Variants in CSMD3 observed in about 807,000 individuals in gnomAD.
The protein encoded by CSMD3 is CUB and sushi domain-containing protein 3.
CSMD3 carries 177 observed loss-of-function variants against 435.2 expected under a neutral mutation model. The ratio of observed to expected loss-of-function variants is 0.41; its 90% CI spans 0.36 to 0.46. The LOEUF (loss-of-function observed/expected upper bound fraction) is 0.46, where lower values mean the gene tolerates loss of function less well. CSMD3 is among the 20% of genes least tolerant of loss of function. The pLI, the probability that CSMD3 is intolerant of heterozygous loss-of-function variation, is 0.34. For synonymous variants in CSMD3, 1,656 were observed against 1,520.5 expected (o/e 1.09, Z -2.07); for missense variants, 4,265 against 4,504.6 (o/e 0.95, Z 1.52).
intron 1 of CSMD3, among the ~76,000 whole-genome samples, chr8:113,382,796 C>T (rs974835845): frequency 7.2e-5 from 11 of 151,914 alleles, no homozygotes; most frequent in South Asian, 2.1e-4. Context: ...GCCTGGACAA[C>T]ATGATGAAAC....
chr8:112,887,968 C>G (rs143512925), intron 10 of CSMD3, among the ~76,000 whole-genome samples: 110 of 151,774 alleles, frequency 7.2e-4, no homozygotes, highest in African/African-American at 2.6e-3. Flanking sequence ...CTGCAATAAA[C>G]CACAGCAAAT....
intron 5 of CSMD3, among the ~76,000 whole-genome samples, chr8:113,083,046 G>C (rs142824391): frequency 6.6e-6 from 1 of 152,238 alleles, no homozygotes; most frequent in Non-Finnish European, 1.5e-5. Context: ...AGCTGAAAAC[G>C]TCCCATGTCT....
At chr8:112,781,550 T>G (rs1234756671) in intron 13 of CSMD3, among the ~76,000 whole-genome samples, 1 of 152,086 alleles carries the variant, frequency 6.6e-6, no homozygotes, top group Admixed American at 6.6e-5. Context: ...CATCATCTGC[T>G]AACTAAAGAG....
chr8:112,747,757 C>T (rs2077467453), intron 13 of CSMD3, among the ~76,000 whole-genome samples: 1 of 151,888 alleles, frequency 6.6e-6, no homozygotes, highest in Non-Finnish European at 1.5e-5. Context: ...AGGCGGATCA[C>T]GAGGTCAGGA....
intron 37 of CSMD3, among the ~76,000 whole-genome samples, chr8:112,381,709 A>G (rs1829472093): frequency 6.6e-6 from 1 of 152,170 alleles, no homozygotes. Flanking sequence ...GAAACTTAAA[A>G]GGTCATTTCA....
intron 9 of CSMD3, among the ~76,000 whole-genome samples, chr8:112,933,726 A>T (rs909286894): frequency 2.0e-5 from 3 of 151,960 alleles, no homozygotes; most frequent in African/African-American, 7.3e-5. Context: ...ATAATTCGAC[A>T]TTTTTTTTAT....
intron 16 of CSMD3, among the ~76,000 whole-genome samples, chr8:112,671,204 T>G (rs148904303): frequency 1.6e-4 from 25 of 152,236 alleles, no homozygotes; most frequent in Non-Finnish European, 2.2e-4. Context: ...AGACCCTCCT[T>G]CCCACCTCCC....
At chr8:113,413,252 A>G (rs1025850035) in intron 1 of CSMD3, among the ~76,000 whole-genome samples, 3 of 152,146 alleles carry the variant, frequency 2.0e-5, no homozygotes, top group Admixed American at 6.6e-5. Context: ...AACATAATAT[A>G]AATTAACTAT....
intron 27 of CSMD3, among the ~76,000 whole-genome samples, chr8:112,529,790 C>CA: frequency 6.6e-6 from 1 of 151,904 alleles, no homozygotes; most frequent in East Asian, 1.9e-4. Context: ...AATTAAGAAT[C>CA]AGAAAAAAAT....
intron 4 of CSMD3, among the ~76,000 whole-genome samples, chr8:113,141,164 A>G (rs959993377): frequency 1.3e-5 from 2 of 150,924 alleles, no homozygotes; most frequent in Admixed American, 6.6e-5. Context: ...TAAGGAAATA[A>G]AAAGTATAAT....
intron 32 of CSMD3, among the ~76,000 whole-genome samples, chr8:112,442,079 T>C (rs1263367161): frequency 6.6e-6 from 1 of 152,206 alleles, no homozygotes; most frequent in African/African-American, 2.4e-5. Context: ...TCAGGAAGCT[T>C]ATAATCATGG....
At chr8:112,550,574 TAAAA>T in intron 27 of CSMD3, 93 bp downstream of exon 27, 1 of 676,334 alleles carries the variant, frequency 1.5e-6, no homozygotes, top group Non-Finnish European at 2.6e-6. Flanking sequence ...TTAAAATCAT[TAAAA>T]TTTTAAAATT....
chr8:113,355,151 G>A (rs2094213380), intron 1 of CSMD3, among the ~76,000 whole-genome samples: 1 of 152,074 alleles, frequency 6.6e-6, no homozygotes, highest in Non-Finnish European at 1.5e-5. Flanking sequence ...ACAGTTTTAA[G>A]TGTATGTGTA....
chr8:113,182,574 A>C (rs2092437798), intron 3 of CSMD3, among the ~76,000 whole-genome samples: 1 of 151,968 alleles, frequency 6.6e-6, no homozygotes, highest in Non-Finnish European at 1.5e-5. Flanking sequence ...AAAACAAAAA[A>C]AACTCACAAC....
intron 42 of CSMD3, among the ~76,000 whole-genome samples, chr8:112,340,920 C>T (rs949292146): frequency 2.0e-5 from 3 of 152,046 alleles, no homozygotes; most frequent in South Asian, 4.1e-4. Flanking sequence ...GCTCTACTTA[C>T]GCCCAAACCC....
chr8:112,833,966 G>A (rs1480345846), intron 11 of CSMD3, among the ~76,000 whole-genome samples: 1 of 151,828 alleles, frequency 6.6e-6, no homozygotes, highest in African/African-American at 2.4e-5. Context: ...AGTCTAATAG[G>A]CTAGTGGATA....
Position 112,458,594 on chromosome 8 carries a change from C to A in CSMD3, c.5395+13997G>T, listed in dbSNP as rs118102072. ...TTTGTCCAAGGAGTAGTTATTTCCA[C>A]CAACATGAAGCGTTCTAGGCAAAAG... On this transcript the variant is annotated intron_variant, in intron 32 of 70. Coordinates refer to ENST00000297405, the MANE Select transcript of CSMD3 (RefSeq NM_198123.2). Among the ~76,000 whole-genome samples, 157 of 152,194 alleles carry A rather than the reference C, an allele frequency of 1.0e-3. 2 individuals carry two copies. The East Asian group carries it at 0.028, about 27-fold the overall frequency.
chr8:112,852,020 A>T (rs1362058737), intron 11 of CSMD3, among the ~76,000 whole-genome samples: 1 of 152,152 alleles, frequency 6.6e-6, no homozygotes, highest in Non-Finnish European at 1.5e-5. Context: ...AGCCAGGAGC[A>T]GCAAGTCAGA....
At chr8:113,361,398 CATT>C (rs1359418877) in intron 1 of CSMD3, among the ~76,000 whole-genome samples, 4 of 152,076 alleles carry the variant, frequency 2.6e-5, no homozygotes, top group Admixed American at 1.3e-4. Context: ...TGGAAAAAGA[CATT>C]ATAATATATA....
Sources: gnomAD v4.1 joint callset for allele counts (sites outside exome capture counted in the v4.1 genomes callset) on GRCh38, gnomAD v4.1.1 for gene constraint, MANE v1.5 for transcripts, NCBI Gene and HGNC (gene_info 2026-07-23, HGNC 2026-07-21) for gene names.